CARS2: variants seen among roughly 807,000 people sequenced by gnomAD.
CARS2 encodes probable cysteine--tRNA ligase, mitochondrial.
Under a neutral mutation model 68.8 loss-of-function variants are expected in CARS2, and 52 were observed. That is an observed-to-expected ratio of 0.76 (90% CI 0.61 to 0.95). CARS2 has a LOEUF of 0.95. Among genes scored for constraint, CARS2 ranks in the 40% least tolerant of loss-of-function variants. CARS2 has a pLI of 0.00. For missense variants in CARS2, 780 were observed against 754.2 expected (o/e 1.03, Z -0.40); for synonymous variants, 314 against 303.6 (o/e 1.03, Z -0.36).
At chr13:110,699,556 G>T (rs961849945) in intron 3 of CARS2, among the ~76,000 whole-genome samples, 1 of 152,210 alleles carries the variant, frequency 6.6e-6, no homozygotes, top group African/African-American at 2.4e-5. Flanking sequence ...TTCAGGAAAA[G>T]GAAATAGCCA....
rs977263514 is a variant in CARS2, at chr13:110,676,606, C to T, written c.785+368G>A. ...TGAGCTAGAAGAGCTGGCGGGAAGG[C>T]GGAGAGGGATTTGGGGGCTAGAGAA... On this transcript the variant is annotated intron_variant, in intron 7 of 14. Transcript: ENST00000257347. The surrounding 1 kb of genome is among the most constrained non-coding windows in gnomAD (Gnocchi z 4.0). Among the ~76,000 whole-genome samples, 1 of 152,138 alleles carries T rather than the reference C, an allele frequency of 6.6e-6. No individual in the cohort carries two copies. The highest frequency in any genetic ancestry group is 2.1e-4 in the South Asian group (1 of 4,822).
chr13:110,712,901 A>C, intron 1 of CARS2: 1 of 1,521,384 alleles, frequency 6.6e-7, no homozygotes, highest in Non-Finnish European at 8.9e-7. Context: ...AGACGACACA[A>C]AGGGAGGGCG....
chr13:110,668,466 C>T lies in CARS2; in HGVS notation c.786-993G>A, dbSNP rs1566686465. Among the ~76,000 whole-genome samples the T allele has an allele frequency of 2.0e-5, 3 of 151,148 alleles. No homozygotes were observed. The highest frequency in any genetic ancestry group is 2.1e-4 in the South Asian group (1 of 4,786). Reference sequence around the variant, plus strand: ...CTGAGGCAAGAGAATGGCATGAACCCGGGAGGCGGAGCTTGCAGTGAGCCG... The same window carrying T: ...CTGAGGCAAGAGAATGGCATGAACCTGGGAGGCGGAGCTTGCAGTGAGCCG... On this transcript the variant is annotated intron_variant, in intron 7 of 14. Coordinates refer to ENST00000257347, the MANE Select transcript of CARS2 (RefSeq NM_024537.4). The surrounding 1 kb of genome is among the most constrained non-coding windows in gnomAD (Gnocchi z 4.1).
chr13:110,667,660 T>A (rs890365832), intron 7 of CARS2, among the ~76,000 whole-genome samples, 187 bp from the exon 8 acceptor site: 8 of 152,268 alleles, frequency 5.3e-5, no homozygotes, highest in Non-Finnish European at 8.8e-5. Flanking sequence ...AAGCCCGTAA[T>A]TCATGACTTT....
chr13:110,698,830 C>T (rs1337283942), intron 3 of CARS2, among the ~76,000 whole-genome samples: 3 of 151,942 alleles, frequency 2.0e-5, no homozygotes, highest in Admixed American at 1.3e-4. Context: ...ATAGTGAAAC[C>T]GCATCTCTAC....
chr13:110,645,610 G>A (rs1888003544), intron 12 of CARS2: 2 of 194,020 alleles, frequency 1.0e-5, no homozygotes, highest in South Asian at 1.2e-4. Flanking sequence ...AGTGCCTTGG[G>A]GTAAATGGGT....
exon 1 of CARS2, chr13:110,713,157 A>T: frequency 7.0e-7 from 1 of 1,430,616 alleles, no homozygotes; most frequent in Non-Finnish European, 9.1e-7. Flanking sequence ...CCTCCTCTTC[A>T]TCGTGATTGG....
chr13:110,658,675 C>T (rs1320837359), intron 9 of CARS2, among the ~76,000 whole-genome samples: 2 of 152,300 alleles, frequency 1.3e-5, no homozygotes, highest in East Asian at 3.9e-4. Flanking sequence ...GTGATCCCAG[C>T]ACTTTGGGAG....
At chr13:110,667,249 T>C in intron 8 of CARS2, 91 bp downstream of exon 8, 1 of 1,155,208 alleles carries the variant, frequency 8.7e-7, no homozygotes, top group Non-Finnish European at 1.2e-6. Flanking sequence ...TTAGCTGATC[T>C]ACTATGTATT....
chr13:110,649,955 T>G (rs1202146287), intron 10 of CARS2, among the ~76,000 whole-genome samples: 2 of 79,606 alleles, frequency 2.5e-5, no homozygotes, highest in Admixed American at 1.4e-4. Context: ...TTTTTTTTTT[T>G]GAGACAGGGT....
At chr13:110,660,013 T>G (rs1165141532) in intron 9 of CARS2, among the ~76,000 whole-genome samples, 1 of 152,258 alleles carries the variant, frequency 6.6e-6, no homozygotes, top group Non-Finnish European at 1.5e-5. Flanking sequence ...ACCCTGCCAT[T>G]GCTTTATCAA....
intron 1 of CARS2, chr13:110,712,942 T>C: frequency 6.4e-7 from 1 of 1,559,318 alleles, no homozygotes; most frequent in South Asian, 1.2e-5. Flanking sequence ...GGGAGCCGCC[T>C]AGGCTGCTGG....
intron 10 of CARS2, 70 bp from the exon 11 acceptor site, chr13:110,647,309 C>T (rs1594224499): frequency 1.3e-6 from 2 of 1,553,970 alleles, no homozygotes; most frequent in East Asian, 4.6e-5. Context: ...CCAGCAGAAT[C>T]AGTGTTTTCT....
At chr13:110,646,698 G>A (rs560490797) in intron 11 of CARS2, 9 of 180,402 alleles carry the variant, frequency 5.0e-5, no homozygotes, top group African/African-American at 1.9e-4. Context: ...TCCGCTCCTC[G>A]CACAGGGAAC....
Position 110,645,929 on chromosome 13 carries a change from G to C in CARS2, c.1317+38C>G, listed in dbSNP as rs763451673. 8.7e-6 allele frequency: 14 copies of C among 1,601,246 alleles called. No individual in the cohort carries two copies. In the Admixed American group the frequency reaches 1.4e-4, roughly 16 times the overall value. On this transcript the variant is annotated intron_variant, in intron 12 of 14. Coordinates refer to ENST00000257347, the MANE Select transcript of CARS2 (RefSeq NM_024537.4). The stretch of plus-strand genomic sequence containing the variant: ...ACCAGAGGACCCGACCCATGCCCCT[G>C]GCAGCAGGACCGCAAGGCCACCTGT...
At chr13:110,656,612 TGGTG>T in intron 9 of CARS2, among the ~76,000 whole-genome samples, 1 of 151,776 alleles carries the variant, frequency 6.6e-6, no homozygotes, top group East Asian at 1.9e-4. Context: ...AGGCCGGGCG[TGGTG>T]GCTCACGCCT....
At chr13:110,681,019 G>C (rs959064138) in intron 6 of CARS2, among the ~76,000 whole-genome samples, 8 of 152,194 alleles carry the variant, frequency 5.3e-5, no homozygotes, top group Non-Finnish European at 1.2e-4. Flanking sequence ...CTTCCACTAG[G>C]GGGTGACCGC....
chr13:110,653,026 C>A lies in CARS2; in HGVS notation c.988-1926G>T, dbSNP rs773072391. Among the ~76,000 whole-genome samples, 9 of 152,326 alleles carry A rather than the reference C, an allele frequency of 5.9e-5. No homozygotes were observed. The East Asian group carries it at 1.7e-3, about 29-fold the overall frequency. On this transcript the variant is annotated intron_variant, in intron 9 of 14. Transcript: ENST00000257347. This position sits in a 1 kb window ranked among gnomAD's most constrained non-coding sequence, Gnocchi z 5.6. ...GATGGCAGCCATCAGACCCCACCCA[C>A]GCTGAGCTAACCGCTGAGTCAAGCA... is the stretch of plus-strand genomic sequence containing the variant.
chr13:110,647,466 G>A lies in CARS2; in HGVS notation c.1055-227C>T, dbSNP rs410049. 0.27 allele frequency among the ~76,000 whole-genome samples: 41,677 copies of A among 152,194 alleles called. 6,860 individuals carry two copies. The highest frequency in any genetic ancestry group is 0.46 in the African/African-American group (19,258 of 41,510). On this transcript the variant is annotated intron_variant, in intron 10 of 14. Coordinates refer to ENST00000257347, the MANE Select transcript of CARS2 (RefSeq NM_024537.4). ...ACCTGCCGTGGGAGAACAAGGTGGC[G>A]GTGGAGACATGCTCCCAGTGCTTCC...
Sources: gnomAD v4.1 joint callset for allele counts (sites outside exome capture counted in the v4.1 genomes callset) on GRCh38, gnomAD v4.1.1 for gene constraint, Gnocchi (gnomAD v3.1) non-coding constraint, MANE v1.5 for transcripts, NCBI Gene and HGNC (gene_info 2026-07-23, HGNC 2026-07-21) for gene names.